RFX2: variants seen among roughly 807,000 people sequenced by gnomAD.
RFX2 encodes the protein DNA-binding protein RFX2.
A neutral mutation model predicts 87.8 loss-of-function variants in RFX2; 20 were observed. The observed-to-expected ratio is 0.23, with a 90% confidence interval of 0.16 to 0.33. RFX2 has a LOEUF of 0.33. Among genes scored for constraint, RFX2 ranks in the 10% least tolerant of loss-of-function variants. The probability of loss-of-function intolerance (pLI) is 1.00; values close to 1 mark genes in which losing one functional copy is unlikely to be tolerated. For synonymous variants in RFX2, 397 were observed against 431.3 expected (o/e 0.92, Z 0.98); for missense variants, 767 against 1,012.3 (o/e 0.76, Z 3.29).
chr19:6,053,084 A>C (rs2087286727), intron 1 of RFX2, among the ~76,000 whole-genome samples: 1 of 152,198 alleles, frequency 6.6e-6, no homozygotes, highest in Non-Finnish European at 1.5e-5. Context: ...TAAAGAACAA[A>C]ATTAATGAAA....
intron 1 of RFX2, among the ~76,000 whole-genome samples, chr19:6,085,750 T>C (rs2087847636): frequency 6.6e-6 from 1 of 152,198 alleles, no homozygotes; most frequent in South Asian, 2.1e-4. Context: ...TTAGCTCTTA[T>C]GTTTAGGTCT....
rs16993334 is a variant in RFX2 at position 6,023,684 on chromosome 19, C to T, written c.597+2479G>A. Reference sequence around the variant, plus strand: ...GGAATACGAATCTTCATCGGGGAAGCGACCTGAGAAAGTCTGCCTTTCGGA... The same window carrying T: ...GGAATACGAATCTTCATCGGGGAAGTGACCTGAGAAAGTCTGCCTTTCGGA... On this transcript the variant is annotated intron_variant, in intron 6 of 17. Coordinates refer to ENST00000303657, the MANE Select transcript of RFX2 (RefSeq NM_000635.4). This position sits in a 1 kb window ranked among gnomAD's most constrained non-coding sequence, Gnocchi z 4.9. Among the ~76,000 whole-genome samples, 2,213 of 152,216 alleles carry T rather than the reference C, an allele frequency of 0.015. 57 individuals are homozygous for T. Among genetic ancestry groups the T allele is most frequent in the African/African-American group, 0.05 (2,075 of 41,514 alleles).
chr19:5,995,698 T>TG lies in RFX2; in HGVS notation c.2014-56dup. 3 of 1,507,634 alleles carry TG rather than the reference T, an allele frequency of 2.0e-6. No homozygotes were observed. The South Asian group carries it at 3.6e-5, about 18-fold the overall frequency. The allele number at this position is 1,507,634 out of a possible 1,614,324, so 93.4% of individuals were successfully genotyped here. On this transcript the variant is annotated intron_variant, in intron 16 of 17. Coordinates refer to ENST00000303657, the MANE Select transcript of RFX2 (RefSeq NM_000635.4). ...CTGCAGAGGGGCGGCAGTTGCTGTTTGGGGGCTCGGGGGATGCCGGCCCAA... is the reference window on the plus strand; with the variant it reads ...CTGCAGAGGGGCGGCAGTTGCTGTTTGGGGGGCTCGGGGGATGCCGGCCCAA...
At chr19:6,042,328 A>G (rs2087122335) in intron 3 of RFX2, among the ~76,000 whole-genome samples, 1 of 152,228 alleles carries the variant, frequency 6.6e-6, no homozygotes, top group Non-Finnish European at 1.5e-5. Context: ...CACACAGTTC[A>G]GGGAGCTGCG....
chr19:6,092,895 T>C (rs1161074115), intron 1 of RFX2, among the ~76,000 whole-genome samples: 2 of 151,994 alleles, frequency 1.3e-5, no homozygotes, highest in Non-Finnish European at 2.9e-5. Context: ...AAAGAGTTTG[T>C]GTTGGCCTGA....
intron 4 of RFX2, 134 bp downstream of exon 4, chr19:6,041,910 T>C (rs952614899): frequency 2.0e-5 from 15 of 748,456 alleles, no homozygotes; most frequent in Non-Finnish European, 3.3e-5. Context: ...AGTTTCCTAA[T>C]AGCATTTTAA....
chr19:6,108,471 T>A (rs554458851), intron 1 of RFX2, among the ~76,000 whole-genome samples: 2 of 152,152 alleles, frequency 1.3e-5, no homozygotes, highest in South Asian at 2.1e-4. Flanking sequence ...CAGGCAAAAA[T>A]TTTTTTAAAA....
chr19:6,097,467 C>T (rs978847085), intron 1 of RFX2, among the ~76,000 whole-genome samples: 4 of 152,178 alleles, frequency 2.6e-5, no homozygotes, highest in Admixed American at 2.6e-4. Flanking sequence ...CTTTACCCTT[C>T]TGAGGGCGTG....
At chr19:6,106,408 A>C (rs2088217718) in intron 1 of RFX2, among the ~76,000 whole-genome samples, 1 of 152,134 alleles carries the variant, frequency 6.6e-6, no homozygotes, top group African/African-American at 2.4e-5. Flanking sequence ...TAAGCCCACA[A>C]CCCCTTACAA....
Position 5,998,367 on chromosome 19 carries a change from T to C in RFX2, c.1860-1154A>G, listed in dbSNP as rs1359214250. On this transcript the variant is annotated intron_variant, in intron 15 of 17. Coordinates refer to ENST00000303657, the MANE Select transcript of RFX2 (RefSeq NM_000635.4). This position sits in a 1 kb window ranked among gnomAD's most constrained non-coding sequence, Gnocchi z 4.2. ...CCTCCTATAAGACCTAAAGGACTTA[T>C]ATACAGTGGCACCTGATTAAAAACT... Among the ~76,000 whole-genome samples, 2 of 152,180 alleles carry C rather than the reference T, an allele frequency of 1.3e-5. No individual in the cohort carries two copies. Among genetic ancestry groups the C allele is most frequent in the Non-Finnish European group, 2.9e-5 (2 of 68,028 alleles).
chr19:6,044,379 T>C lies in RFX2; in HGVS notation c.91-97A>G, dbSNP rs969212128. 11 of 819,840 alleles carry C rather than the reference T, an allele frequency of 1.3e-5. No homozygotes were observed. In the African/African-American group the frequency reaches 2.0e-4, roughly 15 times the overall value. 50.8% of individuals were successfully genotyped at this position (819,840 alleles called of 1,614,324 possible). On this transcript the variant is annotated intron_variant, in intron 2 of 17. Transcript: ENST00000303657. This position sits in a 1 kb window ranked among gnomAD's most constrained non-coding sequence, Gnocchi z 5.3. ...GATGCTGTTTGTCTGTTCATGTGCT[T>C]TTTATTAAAACATAGGCAGGACTGA... is the stretch of plus-strand genomic sequence containing the variant.
chr19:6,108,625 TG>T (rs2088257722), intron 1 of RFX2, among the ~76,000 whole-genome samples: 1 of 152,164 alleles, frequency 6.6e-6, no homozygotes, highest in Non-Finnish European at 1.5e-5. Context: ...AAGCCTGCGC[TG>T]GTCATTTATG....
rs2086573077 is a variant in RFX2 at position 6,005,895 on chromosome 19, AG to A, written c.1402+1116del. Among the ~76,000 whole-genome samples the A allele has an allele frequency of 2.0e-5, 3 of 152,344 alleles. No individual in the cohort carries two copies. In the South Asian group the frequency reaches 6.2e-4, roughly 32 times the overall value. ...GTGGCTGGTGGTCGTCTGCAAGACC[AG>A]GGTGCGCAGCAACCCCACATGGCCC... is the stretch of plus-strand genomic sequence containing the variant. On this transcript the variant is annotated intron_variant, in intron 12 of 17. Coordinates refer to ENST00000303657, the MANE Select transcript of RFX2 (RefSeq NM_000635.4).
rs1010850614 is a variant in RFX2, at chr19:6,039,206, C to T, written c.522+774G>A. 6.6e-6 allele frequency among the ~76,000 whole-genome samples: 1 copy of T among 152,176 alleles called. No individual in the cohort carries two copies. Among genetic ancestry groups the T allele is most frequent in the Non-Finnish European group, 1.5e-5 (1 of 68,028 alleles). ...ACCAGAATGAGTAAAAGAAGCCTGTCTGAAAAGGTCACAATCTGTACGATT... is the reference window on the plus strand; with the variant it reads ...ACCAGAATGAGTAAAAGAAGCCTGTTTGAAAAGGTCACAATCTGTACGATT... On this transcript the variant is annotated intron_variant, in intron 5 of 17. Transcript: ENST00000303657. This position sits in a 1 kb window ranked among gnomAD's most constrained non-coding sequence, Gnocchi z 5.2.
chr19:6,091,369 G>A (rs181749750), intron 1 of RFX2, among the ~76,000 whole-genome samples: 9 of 151,384 alleles, frequency 5.9e-5, no homozygotes, highest in South Asian at 4.2e-4. Context: ...TATAGTCCCA[G>A]CCCAGAAGGT....
rs991304086 is a variant in RFX2 at position 6,002,594 on chromosome 19, A to T, written c.1650+127T>A. The T allele has an allele frequency of 4.3e-5, 51 of 1,176,938 alleles. No homozygotes were observed. The African/African-American group carries it at 7.1e-4, about 16-fold the overall frequency. 72.9% of individuals were successfully genotyped at this position (1,176,938 alleles called of 1,614,324 possible). The stretch of plus-strand genomic sequence containing the variant: ...TGGGCTTTGGCCTGGGACCCGTGTC[A>T]TGCAACAGAACCGTGGCCAGGCTCG... On this transcript the variant is annotated intron_variant, in intron 14 of 17. Transcript: ENST00000303657. This position sits in a 1 kb window ranked among gnomAD's most constrained non-coding sequence, Gnocchi z 6.7.
At chr19:6,032,922 G>A (rs757430850) in intron 5 of RFX2, among the ~76,000 whole-genome samples, 2 of 152,206 alleles carry the variant, frequency 1.3e-5, no homozygotes, top group Non-Finnish European at 2.9e-5. Context: ...CCAAGTAGCT[G>A]AACATACAGG....
At chr19:5,996,743 G>C (rs1460900985) in intron 16 of RFX2, among the ~76,000 whole-genome samples, 2 of 152,348 alleles carry the variant, frequency 1.3e-5, no homozygotes, top group Non-Finnish European at 1.5e-5. Context: ...TGTGTCCGAG[G>C]CCTCCCCTGT....
chr19:6,104,167 C>G lies in RFX2; in HGVS notation c.-9+6226G>C, dbSNP rs148508212. Among the ~76,000 whole-genome samples the G allele has an allele frequency of 8.3e-3, 1,263 of 152,254 alleles. 3 individuals are homozygous for G. Among genetic ancestry groups the G allele is most frequent in the Middle Eastern group, 0.044 (13 of 294 alleles). ...CCAGCACTATGACCTGCAACTTTTC[C>G]TTTCCTCTTTCCCCTGCCCCATTCA... On this transcript the variant is annotated intron_variant, in intron 1 of 17. Coordinates refer to ENST00000303657, the MANE Select transcript of RFX2 (RefSeq NM_000635.4).
Sources: gnomAD v4.1 joint callset for allele counts (sites outside exome capture counted in the v4.1 genomes callset) on GRCh38, gnomAD v4.1.1 for gene constraint, Gnocchi (gnomAD v3.1) non-coding constraint, MANE v1.5 for transcripts, NCBI Gene and HGNC (gene_info 2026-07-23, HGNC 2026-07-21) for gene names.